PTPRN2: variants seen among roughly 807,000 people sequenced by gnomAD.
PTPRN2 encodes the protein protein tyrosine phosphatase receptor type N2.
A neutral mutation model predicts 118.8 loss-of-function variants in PTPRN2; 74 were observed. The observed-to-expected ratio is 0.62, with a 90% CI of 0.52 to 0.76. The LOEUF is 0.76. Among genes scored for constraint, PTPRN2 ranks in the 30% least tolerant of loss-of-function variants. The pLI is 0.00. For missense variants in PTPRN2, 1,481 were observed against 1,394.4 expected (o/e 1.06, Z -0.99); for synonymous variants, 641 against 608.0 (o/e 1.05, Z -0.80).
At chr7:157,782,083 C>A (rs1803712660) in intron 12 of PTPRN2, among the ~76,000 whole-genome samples, 1 of 152,240 alleles carries the variant, frequency 6.6e-6, no homozygotes. Flanking sequence ...AGGGAATAGA[C>A]CTGGGCTGGC....
At chr7:157,842,299 T>C (rs1808479744) in intron 12 of PTPRN2, among the ~76,000 whole-genome samples, 1 of 152,036 alleles carries the variant, frequency 6.6e-6, no homozygotes, top group African/African-American at 2.4e-5. Flanking sequence ...CCTGACCATC[T>C]CTTGATTACT....
chr7:158,332,003 A>C (rs1406968326), intron 2 of PTPRN2, among the ~76,000 whole-genome samples: 1 of 151,256 alleles, frequency 6.6e-6, no homozygotes, highest in South Asian at 2.1e-4. Context: ...TCTCTCCATA[A>C]GAGCTGACAA....
chr7:158,026,464 C>T (rs1807279951), intron 11 of PTPRN2, among the ~76,000 whole-genome samples: 1 of 152,212 alleles, frequency 6.6e-6, no homozygotes, highest in South Asian at 2.1e-4. Context: ...TGGATTTTGG[C>T]GAAGCTGAGT....
At chr7:158,123,603 C>T (rs1441032414) in intron 9 of PTPRN2, among the ~76,000 whole-genome samples, 2 of 152,134 alleles carry the variant, frequency 1.3e-5, no homozygotes, top group South Asian at 4.1e-4. Flanking sequence ...TGGACCACTG[C>T]TAGTGGGGCT....
At chr7:158,441,875 G>A (rs372818281) in intron 2 of PTPRN2, among the ~76,000 whole-genome samples, 2 of 113,942 alleles carry the variant, frequency 1.8e-5, no homozygotes, top group Admixed American at 1.7e-4. Flanking sequence ...CATGGCAGTG[G>A]TGGTGATAGT....
chr7:158,286,918 G>C (rs1379236433), intron 3 of PTPRN2, among the ~76,000 whole-genome samples: 3 of 152,194 alleles, frequency 2.0e-5, no homozygotes, highest in Non-Finnish European at 2.9e-5. Context: ...AGTTTGAGAA[G>C]GATGAGTATT....
intron 11 of PTPRN2, among the ~76,000 whole-genome samples, chr7:157,934,670 C>A (rs150237312): frequency 6.6e-6 from 1 of 152,212 alleles, no homozygotes; most frequent in Admixed American, 6.5e-5. Flanking sequence ...GCAAAGCATC[C>A]GGCCTTGGAC....
In PTPRN2 at chr7:157,609,280, G is replaced by A. The variant is rs1802188042; in HGVS notation, c.2345-5205C>T. Among the ~76,000 whole-genome samples the A allele has an allele frequency of 6.6e-6, 1 of 152,206 alleles. No homozygotes were observed. Among genetic ancestry groups the A allele is most frequent in the Non-Finnish European group, 1.5e-5 (1 of 68,036 alleles). The stretch of plus-strand genomic sequence containing the variant: ...CGGCTGTAATCCCAGCTACTTGGGA[G>A]GCTGAGGCAGGAGAATTGCTTGAAC... On this transcript the variant is annotated intron_variant, in intron 15 of 22. Coordinates refer to ENST00000389418, the MANE Select transcript of PTPRN2 (RefSeq NM_002847.5). This position sits in a 1 kb window ranked among gnomAD's most constrained non-coding sequence, Gnocchi z 4.9.
At chr7:158,092,073 GT>G (rs1179182283) in intron 10 of PTPRN2, among the ~76,000 whole-genome samples, 1 of 150,202 alleles carries the variant, frequency 6.7e-6, no homozygotes, top group Non-Finnish European at 1.5e-5. Context: ...TAGAGAGATG[GT>G]TGGGTGGGTG....
chr7:158,267,980 A>T (rs1286753358), intron 3 of PTPRN2, among the ~76,000 whole-genome samples: 1 of 152,128 alleles, frequency 6.6e-6, no homozygotes, highest in Non-Finnish European at 1.5e-5. Flanking sequence ...TTAAACGCAC[A>T]CTGGGTTATG....
At chr7:158,379,644 C>CAGGTGGGGCGGGGTTCCTA (rs1486310595) in intron 2 of PTPRN2, among the ~76,000 whole-genome samples, 1 of 152,172 alleles carries the variant, frequency 6.6e-6, no homozygotes, top group East Asian at 1.9e-4. Context: ...GCACAGCCCA[C>CAGGTGGGGCGGGGTTCCTA]AGGTGGGGCG....
rs111917785 is a variant in PTPRN2, at chr7:157,832,952, C to T, written c.1788+65721G>A. 5.9e-4 allele frequency among the ~76,000 whole-genome samples: 90 copies of T among 152,326 alleles called. 1 individual carries two copies. The highest frequency in any genetic ancestry group is 2.1e-3 in the African/African-American group (86 of 41,572). On this transcript the variant is annotated intron_variant, in intron 12 of 22. Transcript: ENST00000389418. ...AGATGGCGGGATTCTCCAGGAGGTG[C>T]GTGATGTGGCTGGTGCCCATCCATC...
chr7:158,056,297 G>A (rs978050350), intron 11 of PTPRN2, among the ~76,000 whole-genome samples: 11 of 152,138 alleles, frequency 7.2e-5, no homozygotes, highest in East Asian at 1.9e-4. Context: ...GGCACTCCCC[G>A]GGGCCTCATC....
intron 12 of PTPRN2, chr7:157,740,467 G>A (rs60688149): frequency 0.22 from 26,558 of 118,096 alleles, 2,998 homozygotes; most frequent in Non-Finnish European, 0.26. Flanking sequence ...CCGGAACCCC[G>A]TCTCCCTCCG....
At chr7:158,443,795 C>A (rs1317321501) in intron 2 of PTPRN2, among the ~76,000 whole-genome samples, 3 of 152,288 alleles carry the variant, frequency 2.0e-5, no homozygotes, top group South Asian at 2.1e-4. Flanking sequence ...CTTCCTCTAC[C>A]ATGTGAGGCT....
chr7:158,573,483 C>A (rs371309850), intron 1 of PTPRN2, among the ~76,000 whole-genome samples: 1 of 152,008 alleles, frequency 6.6e-6, no homozygotes, highest in Non-Finnish European at 1.5e-5. Context: ...GAGGAGTGAC[C>A]ACTTCTCCTT....
intron 15 of PTPRN2, chr7:157,614,166 G>C: frequency 6.5e-6 from 3 of 461,512 alleles, no homozygotes; most frequent in South Asian, 4.7e-5. Flanking sequence ...GGAGGACAGG[G>C]GAGGGCCAGG....
intron 11 of PTPRN2, among the ~76,000 whole-genome samples, chr7:158,059,211 A>C (rs80330563): frequency 0.18 from 15,223 of 85,048 alleles, 1,147 homozygotes; most frequent in Middle Eastern, 0.26. Context: ...ATCTGCCCAC[A>C]GTGAGACATC....
chr7:158,164,263 A>G (rs549898992), intron 6 of PTPRN2, among the ~76,000 whole-genome samples: 64 of 141,186 alleles, frequency 4.5e-4, no homozygotes, highest in African/African-American at 1.8e-3. Flanking sequence ...GCGTAGGAAG[A>G]GCACGCAGAG....
Sources: allele counts gnomAD v4.1 joint callset (sites outside exome capture counted in the v4.1 genomes callset), GRCh38; gene constraint gnomAD v4.1.1; non-coding constraint Gnocchi (gnomAD v3.1); transcripts MANE v1.5; gene names NCBI Gene and HGNC (gene_info 2026-07-23, HGNC 2026-07-21).